VPS36: variants seen among roughly 807,000 people sequenced by gnomAD.
The protein encoded by VPS36 is vacuolar protein-sorting-associated protein 36.
A neutral mutation model predicts 63.5 loss-of-function variants in VPS36; 31 were observed. The ratio of observed to expected loss-of-function variants is 0.49; its 90% CI spans 0.37 to 0.66. The LOEUF (loss-of-function observed/expected upper bound fraction) is 0.66. Among genes scored for constraint, VPS36 ranks in the 30% least tolerant of loss-of-function variants. The probability of loss-of-function intolerance (pLI) is 0.00; values close to 1 mark genes in which losing one functional copy is unlikely to be tolerated. For synonymous variants in VPS36, 138 were observed against 157.2 expected, an observed-to-expected ratio of 0.88 and a Z score of 0.91; for missense variants, 338 against 463.7, an observed-to-expected ratio of 0.73 and a Z score of 2.49.
At chr13:52,432,570 C>T (rs2137792993) in intron 6 of VPS36, among the ~76,000 whole-genome samples, 1 of 152,300 alleles carries the variant, frequency 6.6e-6, no homozygotes, top group East Asian at 1.9e-4. Flanking sequence ...TCACTATTTA[C>T]CACCACCAAT....
chr13:52,435,699 T>G lies in VPS36; in HGVS notation c.351+591A>C, dbSNP rs146936936. 2.0e-5 allele frequency among the ~76,000 whole-genome samples: 3 copies of G among 152,320 alleles called. No homozygotes were observed. The East Asian group carries it at 5.8e-4, about 29-fold the overall frequency. On this transcript the variant is annotated intron_variant, in intron 4 of 13. Coordinates refer to ENST00000378060, the MANE Select transcript of VPS36 (RefSeq NM_016075.4). ...AAAACTTTAGTCAATCACTTATATC[T>G]GCTTAGTGATCACTTGTCAGGAGCA... is the stretch of plus-strand genomic sequence containing the variant.
rs536246239 is a variant in VPS36 at position 52,441,753 on chromosome 13, A to G, written c.165+624T>C. 1.4e-3 allele frequency among the ~76,000 whole-genome samples: 205 copies of G among 151,528 alleles called. 2 individuals carry two copies. The highest frequency in any genetic ancestry group is 3.4e-3 in the Middle Eastern group (1 of 294). On this transcript the variant is annotated intron_variant, in intron 2 of 13. Coordinates refer to ENST00000378060, the MANE Select transcript of VPS36 (RefSeq NM_016075.4). ...GGCGAAAGAGCGAGACTCCATCTCA[A>G]AAAAAAGGGGGGGATGCGTGGGGGA...
At chr13:52,440,191 C>T (rs1240809779) in intron 2 of VPS36, among the ~76,000 whole-genome samples, 1 of 151,854 alleles carries the variant, frequency 6.6e-6, no homozygotes, top group Non-Finnish European at 1.5e-5. Context: ...GTTGGCGAGG[C>T]TAGTCTCGAA....
intron 3 of VPS36, 35 bp from the exon 4 acceptor site, chr13:52,436,439 C>G (rs919075178): frequency 3.6e-6 from 5 of 1,398,984 alleles, no homozygotes; most frequent in Non-Finnish European, 4.9e-6. Context: ...ATTGAATTGT[C>G]TTTCAAAAAA....
chr13:52,429,392 T>A, intron 6 of VPS36: 1 of 733,590 alleles, frequency 1.4e-6, no homozygotes, highest in Non-Finnish European at 1.7e-6. Context: ...TCTTTCAGCC[T>A]TTGACTTCCA....
At chr13:52,419,693 C>A (rs914629429) in intron 10 of VPS36, among the ~76,000 whole-genome samples, 3 of 152,212 alleles carry the variant, frequency 2.0e-5, no homozygotes, top group Non-Finnish European at 2.9e-5. Flanking sequence ...AATCTGCACT[C>A]CCATGGTTAT....
At chr13:52,433,633 T>G in intron 6 of VPS36, 29 bp downstream of exon 6, 1 of 1,547,826 alleles carries the variant, frequency 6.5e-7, no homozygotes, top group Non-Finnish European at 8.9e-7. Flanking sequence ...ATGGCTGGAA[T>G]AGATGGAGAG....
chr13:52,449,940 A>G, intron 1 of VPS36: 1 of 985,566 alleles, frequency 1.0e-6, no homozygotes, highest in Non-Finnish European at 1.2e-6. Flanking sequence ...CCTCTTTAGG[A>G]AATCCTTTCG....
rs1435121600 is a variant in VPS36, at chr13:52,415,174, G to A, written c.*656C>T. The stretch of plus-strand genomic sequence containing the variant: ...CTGGGCATGTCTATACAGCTCTCTA[G>A]TTCAGTTTCAAAATCCACAGCATTT... On this transcript the variant is annotated 3_prime_UTR_variant, in exon 14 of 14. Transcript: ENST00000378060. 3 of 151,908 alleles carry A rather than the reference G, an allele frequency of 2.0e-5. No individual in the cohort carries two copies. Among genetic ancestry groups the A allele is most frequent in the Non-Finnish European group, 4.4e-5 (3 of 68,042 alleles). The allele number at this position is 151,908 out of a possible 1,614,324, so 9.4% of individuals were successfully genotyped here.
intron 6 of VPS36, among the ~76,000 whole-genome samples, chr13:52,430,630 T>G (rs913725163): frequency 2.8e-5 from 4 of 145,142 alleles, no homozygotes; most frequent in African/African-American, 1.0e-4. Flanking sequence ...AGACTCCATC[T>G]CAAAAAAAAA....
chr13:52,424,353 C>A (rs575705100), intron 9 of VPS36, among the ~76,000 whole-genome samples: 6 of 151,928 alleles, frequency 3.9e-5, no homozygotes, highest in African/African-American at 1.4e-4. Context: ...GTTAACATCA[C>A]AAAAAATTTT....
Position 52,417,089 on chromosome 13 carries a change from C to T in VPS36, c.958G>A (p.Glu320Lys). 1.2e-6 allele frequency: 2 copies of T among 1,614,050 alleles called. No homozygotes were observed. The highest frequency in any genetic ancestry group is 1.7e-6 in the Non-Finnish European group (2 of 1,179,982). ...AGGGCCGAGGCCACCATTTCCTCTT[C>T]CTTGTGAGACTGAAGCTCAATTACC... is the stretch of plus-strand genomic sequence containing the variant. ...VMVIELQSHK[E>K]EEMVASALET... Residue 320 changes from glutamate (E) to lysine (K), a missense_variant, in exon 12 of 14, where the codon GAA becomes AAA. Coordinates refer to ENST00000378060, the MANE Select transcript of VPS36 (RefSeq NM_016075.4).
At position 52,433,996 on chromosome 13, in the gene VPS36, G is replaced by T. The variant is rs115055469; in HGVS notation, c.442-248C>A. On this transcript the variant is annotated intron_variant, in intron 5 of 13. Transcript: ENST00000378060. ...GGCATATTTTACTCTGCATTTTAGAGATAAGTTAAATTTCCTATCATTTTC... is the reference window on the plus strand; with the variant it reads ...GGCATATTTTACTCTGCATTTTAGATATAAGTTAAATTTCCTATCATTTTC... Among the ~76,000 whole-genome samples, 1,126 of 152,248 alleles carry T rather than the reference G, an allele frequency of 7.4e-3. 6 individuals carry two copies. Among genetic ancestry groups the T allele is most frequent in the African/African-American group, 0.017 (702 of 41,530 alleles).
chr13:52,425,469 G>C (rs1958093517), intron 9 of VPS36, among the ~76,000 whole-genome samples: 1 of 152,132 alleles, frequency 6.6e-6, no homozygotes, highest in Non-Finnish European at 1.5e-5. Flanking sequence ...GGAGAAGCTG[G>C]ATGATGGCCA....
intron 10 of VPS36, among the ~76,000 whole-genome samples, chr13:52,419,536 T>C (rs1347729049): frequency 6.6e-6 from 1 of 152,130 alleles, no homozygotes; most frequent in East Asian, 1.9e-4. Context: ...CTCTTACACA[T>C]TGTTGGTGGG....
At chr13:52,441,380 T>C (rs1958274652) in intron 2 of VPS36, among the ~76,000 whole-genome samples, 1 of 152,160 alleles carries the variant, frequency 6.6e-6, no homozygotes, top group African/African-American at 2.4e-5. Flanking sequence ...TTAATGTATA[T>C]ACACTTTCAG....
Position 52,440,969 on chromosome 13 carries a change from C to G in VPS36, c.165+1408G>C, listed in dbSNP as rs190244159. Among the ~76,000 whole-genome samples, 43 of 152,240 alleles carry G rather than the reference C, an allele frequency of 2.8e-4. 1 individual carries two copies. The East Asian group carries it at 8.3e-3, about 29-fold the overall frequency. On this transcript the variant is annotated intron_variant, in intron 2 of 13. Transcript: ENST00000378060. Reference sequence around the variant, plus strand: ...TCAAAGGGAGGGCATGACCTAGATCCCTTGCATGCACAGTTCACAATAGGG... The same window carrying G: ...TCAAAGGGAGGGCATGACCTAGATCGCTTGCATGCACAGTTCACAATAGGG...
At chr13:52,427,306 T>C in intron 6 of VPS36, 87 bp from the exon 7 acceptor site, 1 of 1,497,082 alleles carries the variant, frequency 6.7e-7, no homozygotes, top group East Asian at 2.3e-5. Context: ...TTTTTCCCCA[T>C]AAAAATTTGA....
chr13:52,442,275 C>G (rs540964280), intron 2 of VPS36, 102 bp downstream of exon 2: 1 of 1,057,540 alleles, frequency 9.5e-7, no homozygotes, highest in Non-Finnish European at 1.3e-6. Context: ...TCACTTGAGC[C>G]CAGAGGTTAC....
Sources: gnomAD v4.1 joint callset for allele counts (sites outside exome capture counted in the v4.1 genomes callset) on GRCh38, gnomAD v4.1.1 for gene constraint, MANE v1.5 for transcripts, NCBI Gene and HGNC (gene_info 2026-07-23, HGNC 2026-07-21) for gene names.